IGF2BP3: variants seen among roughly 807,000 people sequenced by gnomAD.
IGF2BP3 encodes insulin-like growth factor 2 mRNA-binding protein 3.
A neutral mutation model predicts 73.8 loss-of-function variants in IGF2BP3; 9 were observed. The ratio of observed to expected loss-of-function variants is 0.12; its 90% CI spans 0.07 to 0.21. The LOEUF is 0.21. Among genes scored for constraint, IGF2BP3 ranks in the 10% least tolerant of loss-of-function variants. IGF2BP3 has a pLI of 1.00. For missense variants in IGF2BP3, 542 were observed against 714.0 expected (o/e 0.76, Z 2.75); for synonymous variants, 258 against 256.7 (o/e 1.01, Z -0.05).
intron 5 of IGF2BP3, among the ~76,000 whole-genome samples, chr7:23,356,331 G>A (rs1785095165): frequency 6.6e-6 from 1 of 152,086 alleles, no homozygotes; most frequent in Non-Finnish European, 1.5e-5. Context: ...GCCAAGGAGG[G>A]AGGATCACTT....
At chr7:23,318,867 C>A (rs73279764) in intron 11 of IGF2BP3, among the ~76,000 whole-genome samples, 2,795 of 152,242 alleles carry the variant, frequency 0.018, 85 homozygotes, top group African/African-American at 0.064. Flanking sequence ...AAGGCCGTAC[C>A]TGGGGAAGGT....
chr7:23,455,810 T>G (rs1562762772), intron 2 of IGF2BP3, among the ~76,000 whole-genome samples: 1 of 152,124 alleles, frequency 6.6e-6, no homozygotes, highest in African/African-American at 2.4e-5. Context: ...CTCAGCCTCC[T>G]GAGTAACTGG....
chr7:23,438,449 A>G (rs1312260275), intron 2 of IGF2BP3, among the ~76,000 whole-genome samples: 1 of 152,182 alleles, frequency 6.6e-6, no homozygotes, highest in Non-Finnish European at 1.5e-5. Flanking sequence ...AAGAAGACTC[A>G]AGGTCACATC....
intron 5 of IGF2BP3, among the ~76,000 whole-genome samples, chr7:23,357,762 T>G (rs1785131389): frequency 6.6e-6 from 1 of 152,398 alleles, no homozygotes; most frequent in East Asian, 1.9e-4. Flanking sequence ...TAATATTTTC[T>G]AAAATATGTG....
At chr7:23,447,713 C>T (rs902621533) in intron 2 of IGF2BP3, among the ~76,000 whole-genome samples, 2 of 152,122 alleles carry the variant, frequency 1.3e-5, no homozygotes, top group African/African-American at 4.8e-5. Flanking sequence ...GGACTCACAC[C>T]AGCAATCTCA....
intron 3 of IGF2BP3, among the ~76,000 whole-genome samples, chr7:23,409,288 G>A (rs760226517): frequency 2.6e-5 from 4 of 152,164 alleles, no homozygotes; most frequent in Non-Finnish European, 4.4e-5. Flanking sequence ...AAATAAGCCA[G>A]TCATAAAAAG....
intron 2 of IGF2BP3, chr7:23,431,217 T>C (rs1744218344): frequency 6.6e-6 from 1 of 152,210 alleles, no homozygotes; most frequent in South Asian, 2.1e-4. Flanking sequence ...CCATTTCTTC[T>C]AGCTTTTGTG....
intron 2 of IGF2BP3, among the ~76,000 whole-genome samples, chr7:23,422,579 T>C (rs1787382299): frequency 6.6e-6 from 1 of 152,158 alleles, no homozygotes; most frequent in South Asian, 2.1e-4. Context: ...AGCAATCCAT[T>C]TGCCATGTTT....
intron 3 of IGF2BP3, among the ~76,000 whole-genome samples, chr7:23,390,463 A>G (rs1039209591): frequency 6.6e-6 from 1 of 152,324 alleles, no homozygotes; most frequent in Middle Eastern, 3.4e-3. Context: ...AAACAGATGA[A>G]GCCACTGAGC....
intron 3 of IGF2BP3, chr7:23,413,871 G>A (rs1787106903): frequency 6.6e-6 from 1 of 152,170 alleles, no homozygotes; most frequent in Non-Finnish European, 1.5e-5. Context: ...TTCTCTAGCA[G>A]TGAGTCCTTC....
At chr7:23,413,945 G>T (rs1466725351) in intron 3 of IGF2BP3, 1 of 152,220 alleles carries the variant, frequency 6.6e-6, no homozygotes, top group African/African-American at 2.4e-5. Flanking sequence ...AAGGTCAAGA[G>T]ATTGAAACCA....
At chr7:23,428,484 AAAT>A (rs1211952392) in intron 2 of IGF2BP3, among the ~76,000 whole-genome samples, 1 of 150,812 alleles carries the variant, frequency 6.6e-6, no homozygotes, top group Non-Finnish European at 1.5e-5. Flanking sequence ...AAAAAGAAAA[AAAT>A]ATTATTGGCT....
At chr7:23,468,410 G>A in intron 2 of IGF2BP3, 72 bp downstream of exon 2, 1 of 1,503,912 alleles carries the variant, frequency 6.6e-7, no homozygotes, top group Non-Finnish European at 9.3e-7. Flanking sequence ...AGGACAAGAA[G>A]TTCTCAGCTG....
chr7:23,404,784 G>A (rs758701660), intron 3 of IGF2BP3, among the ~76,000 whole-genome samples: 2 of 152,012 alleles, frequency 1.3e-5, no homozygotes, highest in African/African-American at 2.4e-5. Context: ...GATGGCCTTA[G>A]TACTGAGAAA....
intron 3 of IGF2BP3, among the ~76,000 whole-genome samples, chr7:23,418,524 G>A (rs1787255966): frequency 6.6e-6 from 1 of 152,186 alleles, no homozygotes; most frequent in Admixed American, 6.5e-5. Flanking sequence ...GTTGGGAAGT[G>A]ACTGAATGAG....
intron 2 of IGF2BP3, among the ~76,000 whole-genome samples, chr7:23,468,152 T>C (rs907386020): frequency 1.3e-5 from 2 of 152,194 alleles, no homozygotes; most frequent in African/African-American, 4.8e-5. Context: ...TCCCAAGCCC[T>C]GCAAACCCCC....
chr7:23,406,819 G>A (rs879324485), intron 3 of IGF2BP3, among the ~76,000 whole-genome samples: 1 of 152,118 alleles, frequency 6.6e-6, no homozygotes, highest in Non-Finnish European at 1.5e-5. Context: ...CGTTTTTATA[G>A]AGTGCTGATT....
intron 3 of IGF2BP3, chr7:23,365,647 G>T (rs1344861450): frequency 6.6e-6 from 1 of 152,224 alleles, no homozygotes; most frequent in Non-Finnish European, 1.5e-5. Context: ...GTTGTGACAA[G>T]AAGGGCCGCT....
chr7:23,322,421 T>C (rs1784182367), intron 10 of IGF2BP3, among the ~76,000 whole-genome samples: 1 of 152,002 alleles, frequency 6.6e-6, no homozygotes, highest in Admixed American at 6.6e-5. Context: ...TGGGACTATG[T>C]GAAAAGACCA....
Sources: gnomAD v4.1 joint callset for allele counts (sites outside exome capture counted in the v4.1 genomes callset) on GRCh38, gnomAD v4.1.1 for gene constraint, MANE v1.5 for transcripts, NCBI Gene and HGNC (gene_info 2026-07-23, HGNC 2026-07-21) for gene names.